EIF3I: variants seen among roughly 807,000 people sequenced by gnomAD.
EIF3I encodes the protein eukaryotic translation initiation factor 3 subunit I.
EIF3I carries 20 observed loss-of-function variants against 43.3 expected under a neutral mutation model. The observed-to-expected ratio is 0.46, with a 90% confidence interval of 0.32 to 0.67. The LOEUF is 0.67. EIF3I is among the 30% of genes least tolerant of loss of function. The pLI is 0.03. For synonymous variants in EIF3I, 167 were observed against 151.7 expected, an observed-to-expected ratio of 1.10 and a Z score of -0.74; for missense variants, 279 against 421.4, an observed-to-expected ratio of 0.66 and a Z score of 2.96.
At chr1:32,232,746 A>G (rs935558733), downstream of EIF3I, among the ~76,000 whole-genome samples, 3 of 152,288 alleles carry the variant, frequency 2.0e-5, no homozygotes, top group East Asian at 5.8e-4. Flanking sequence ...GAGAAAGACT[A>G]AAGATGAAGG....
intron 2 of EIF3I, 64 bp from the exon 3 acceptor site, chr1:32,223,970 G>A: frequency 6.6e-7 from 1 of 1,509,500 alleles, no homozygotes. Flanking sequence ...AGGGTTCCTG[G>A]GGCAAAATAG....
At chr1:32,233,067 C>G (rs567324695), downstream of EIF3I, among the ~76,000 whole-genome samples, 2 of 152,308 alleles carry the variant, frequency 1.3e-5, no homozygotes, top group African/African-American at 4.8e-5. Context: ...GATCTCGGCT[C>G]ACTGCAACCT....
exon 1 of EIF3I, chr1:32,222,409 T>A: frequency 6.3e-7 from 1 of 1,586,652 alleles, no homozygotes; most frequent in African/African-American, 1.3e-5. Flanking sequence ...CCGGTCTTAC[T>A]CACGTTGCGG....
chr1:32,231,375 C>T (rs1639233893), downstream of EIF3I: 1 of 533,928 alleles, frequency 1.9e-6, no homozygotes, highest in South Asian at 2.0e-5. Flanking sequence ...CCTATAGTCC[C>T]AGCTACTCAG....
At chr1:32,225,713 G>C (rs1639132411) in intron 4 of EIF3I, among the ~76,000 whole-genome samples, 1 of 145,112 alleles carries the variant, frequency 6.9e-6, no homozygotes, top group Non-Finnish European at 1.5e-5. Flanking sequence ...TGCAGGACAA[G>C]AGCGAAACTC....
At chr1:32,230,986 T>G in exon 11 of EIF3I, 1 of 1,611,016 alleles carries the variant, frequency 6.2e-7, no homozygotes, top group Non-Finnish European at 8.5e-7. Flanking sequence ...TTTGGACCTA[T>G]CAACAGTGTT....
At chr1:32,234,154 C>T (rs192773403), downstream of EIF3I, 1,100 of 152,088 alleles carry the variant, frequency 7.2e-3, 1 homozygote, top group Non-Finnish European at 0.01. Flanking sequence ...AAAAATTAGC[C>T]GGACGTGGTG....
downstream of EIF3I, chr1:32,234,321 A>AT (rs1639274277): frequency 6.6e-6 from 1 of 150,594 alleles, no homozygotes; most frequent in African/African-American, 2.4e-5. Flanking sequence ...AAAAAAAAAA[A>AT]GGAAGTAAGG....
exon 6 of EIF3I, chr1:32,226,483 A>G: frequency 6.3e-7 from 1 of 1,593,146 alleles, no homozygotes; most frequent in Non-Finnish European, 8.5e-7. Context: ...GGGGGAGTGC[A>G]TCATCGCTGG....
Position 32,226,516 on chromosome 1 carries a change from C to T in EIF3I, c.514C>T (p.Gln172Ter). Residue 172 changes from glutamine to a stop codon, truncating the protein, a stop_gained, in exon 6 of 12, where the codon CAG becomes TAG. Coordinates refer to ENST00000676679, the Ensembl canonical transcript of EIF3I. LOFTEE classifies it high-confidence loss of function. ...TGGCCATGAGAGTGGAGAGCTCAAC[C>T]AGTATAGTGCCAAGGTAAGAGGCCA... 6.4e-7 allele frequency: 1 copy of T among 1,550,620 alleles called. No individual in the cohort carries two copies.
downstream of EIF3I, among the ~76,000 whole-genome samples, chr1:32,235,600 T>A (rs1639289936): frequency 6.6e-6 from 1 of 152,200 alleles, no homozygotes; most frequent in Non-Finnish European, 1.5e-5. Flanking sequence ...ATTACAGGCA[T>A]GAGCCACCGC....
chr1:32,229,350 T>C (rs1020255149), intron 9 of EIF3I, 142 bp downstream of exon 9: 1 of 825,472 alleles, frequency 1.2e-6, no homozygotes, highest in South Asian at 1.9e-5. Flanking sequence ...AAGCTCTGCC[T>C]CCCGGGTTGA....
chr1:32,222,938 A>C (rs977874105), intron 2 of EIF3I, among the ~76,000 whole-genome samples: 4 of 152,120 alleles, frequency 2.6e-5, no homozygotes, highest in African/African-American at 4.8e-5. Context: ...TCTACACACA[A>C]AAAAATTAGC....
At chr1:32,222,757 A>G (rs545931337) in intron 2 of EIF3I, 127 bp downstream of exon 2, 2 of 930,752 alleles carry the variant, frequency 2.1e-6, no homozygotes, top group Admixed American at 2.1e-5. Context: ...GGGAGAGGCC[A>G]TGCCGGGGGT....
At chr1:32,235,416 C>T (rs1016147166), downstream of EIF3I, among the ~76,000 whole-genome samples, 5 of 151,966 alleles carry the variant, frequency 3.3e-5, no homozygotes, top group Non-Finnish European at 4.4e-5. Flanking sequence ...CTGCAACCTC[C>T]GCCTCCCGGG....
In EIF3I at chr1:32,227,310, A is replaced by C. The variant is rs1048694808; in HGVS notation, c.528+780A>C. On this transcript the variant is annotated intron_variant, in intron 6 of 11. Transcript: ENST00000676679. ...AAAAAAAAAAAAAAAGTTAATAAAA[A>C]ATTTTAAAAAGAGCAGAGGTGAGAT... Among the ~76,000 whole-genome samples the C allele has an allele frequency of 2.0e-5, 3 of 151,664 alleles. No homozygotes were observed. The East Asian group carries it at 5.9e-4, about 30-fold the overall frequency.
chr1:32,224,748 G>A (rs962416365), intron 4 of EIF3I, among the ~76,000 whole-genome samples: 1 of 148,650 alleles, frequency 6.7e-6, no homozygotes, highest in African/African-American at 2.5e-5. Context: ...TCGGCTCACT[G>A]CAACCTCTGT....
intron 6 of EIF3I, among the ~76,000 whole-genome samples, chr1:32,226,819 C>T (rs1459494616): frequency 1.6e-5 from 2 of 122,688 alleles, no homozygotes; most frequent in South Asian, 3.0e-4. Context: ...GTCCACCGCT[C>T]GTGGCTTTTT....
At chr1:32,230,723 C>T (rs1036251158) in intron 10 of EIF3I, among the ~76,000 whole-genome samples, 2 of 152,138 alleles carry the variant, frequency 1.3e-5, no homozygotes, top group African/African-American at 2.4e-5. Context: ...ACTCAGGAGG[C>T]TGAGGCAGGA....
Sources: gnomAD v4.1 joint callset for allele counts (sites outside exome capture counted in the v4.1 genomes callset) on GRCh38, gnomAD v4.1.1 for gene constraint, MANE v1.5 for transcripts, NCBI Gene and HGNC (gene_info 2026-07-23, HGNC 2026-07-21) for gene names.